The following PGAM1 variants were observed in gnomAD, a reference collection of about 807,000 sequenced individuals.
PGAM1 encodes BPG-dependent PGAM 1.
PGAM1 carries 21 observed loss-of-function variants against 23.5 expected under a neutral mutation model. That is an observed-to-expected ratio of 0.89 (90% confidence interval 0.63 to 1.29). The LOEUF is 1.29. PGAM1 is among the 50% of genes most tolerant of loss of function. The pLI is 0.00. For synonymous variants in PGAM1, 109 were observed against 128.6 expected, an observed-to-expected ratio of 0.85 and a Z score of 1.03; for missense variants, 232 against 336.3, an observed-to-expected ratio of 0.69 and a Z score of 2.42.
At chr10:97,426,526 C>A in intron 1 of PGAM1, 80 bp downstream of exon 1, 1 of 1,457,506 alleles carries the variant, frequency 6.9e-7, no homozygotes, top group South Asian at 1.4e-5. Flanking sequence ...TGCGCCCTCT[C>A]GGAGAGGGCC....
exon 4 of PGAM1, chr10:97,433,428 AGTGATGTGCAATAGCTTCTTGTGTGAT>A (rs1845493991): frequency 6.6e-6 from 1 of 152,636 alleles, no homozygotes; most frequent in Admixed American, 6.5e-5. Flanking sequence ...ATAATAAAGG[AGTGATGTGCAATAGCTTCTTGTGTGAT>A]GTGGAAGACC....
At chr10:97,430,171 C>T (rs1276276697) in intron 1 of PGAM1, among the ~76,000 whole-genome samples, 2 of 152,134 alleles carry the variant, frequency 1.3e-5, no homozygotes, top group Non-Finnish European at 2.9e-5. Context: ...TCTGGAGTCC[C>T]ACAGCATGGG....
chr10:97,427,467 C>G, intron 1 of PGAM1: 1 of 1,029,158 alleles, frequency 9.7e-7, no homozygotes, highest in Non-Finnish European at 1.2e-6. Flanking sequence ...TCCAAGGCCC[C>G]TTTATAGTTG....
intron 2 of PGAM1, 36 bp downstream of exon 2, chr10:97,430,689 G>T: frequency 6.2e-7 from 1 of 1,602,134 alleles, no homozygotes; most frequent in Non-Finnish European, 8.5e-7. Flanking sequence ...CTCCGCCCAG[G>T]ATCAGGGGCT....
Position 97,430,938 on chromosome 10 carries a change from G to A in PGAM1, c.415-17G>A. On this transcript the variant is annotated splice_polypyrimidine_tract_variant and intron_variant, in intron 2 of 3. Transcript: ENST00000334828. ...TAACTCTTAATAAGTGGTGAACTTG[G>A]ATTCTTTATTGCTTAGGATCGCAGG... 2 of 1,613,886 alleles carry A rather than the reference G, an allele frequency of 1.2e-6. No individual in the cohort carries two copies. Among genetic ancestry groups the A allele is most frequent in the Non-Finnish European group, 8.5e-7 (1 of 1,179,830 alleles).
intron 1 of PGAM1, 30 bp downstream of exon 1, chr10:97,426,476 G>C (rs1845411294): frequency 6.5e-7 from 1 of 1,547,620 alleles, no homozygotes; most frequent in African/African-American, 1.4e-5. Flanking sequence ...GGGCTGCGAA[G>C]GGCCGGGTGT....
chr10:97,429,833 TA>T (rs2058403926), intron 1 of PGAM1, among the ~76,000 whole-genome samples: 1 of 152,096 alleles, frequency 6.6e-6, no homozygotes, highest in Admixed American at 6.6e-5. Flanking sequence ...AAATATCTTT[TA>T]TAAGTGACAA....
chr10:97,427,732 A>G lies in PGAM1; in HGVS notation c.139+1286A>G. The G allele has an allele frequency of 2.4e-6, 3 of 1,262,274 alleles. No homozygotes were observed. The Admixed American group carries it at 7.5e-5, about 31-fold the overall frequency. The allele number at this position is 1,262,274 out of a possible 1,614,324, so 78.2% of individuals were successfully genotyped here. A position where few individuals can be genotyped will look rare whatever the true frequency, so the allele number is the denominator to read the frequency against. Reference sequence around the variant, plus strand: ...ATTCCCTGCTGCCGGCACGGCCAAGAATCCCTGGACTGAAGAGGTGCTTCC... The same window carrying G: ...ATTCCCTGCTGCCGGCACGGCCAAGGATCCCTGGACTGAAGAGGTGCTTCC... On this transcript the variant is annotated intron_variant, in intron 1 of 3. Transcript: ENST00000334828.
chr10:97,429,050 G>A (rs1427152007), intron 1 of PGAM1, among the ~76,000 whole-genome samples: 1 of 151,488 alleles, frequency 6.6e-6, no homozygotes, highest in Admixed American at 6.6e-5. Flanking sequence ...ATGGTGGGAG[G>A]GTGAATAATC....
chr10:97,429,598 C>T (rs1845446866), intron 1 of PGAM1, among the ~76,000 whole-genome samples: 1 of 152,102 alleles, frequency 6.6e-6, no homozygotes, highest in Non-Finnish European at 1.5e-5. Context: ...TAGGCTGGAA[C>T]TTTGTGACTA....
chr10:97,431,287 A>G, intron 3 of PGAM1, 152 bp downstream of exon 3: 3 of 944,108 alleles, frequency 3.2e-6, no homozygotes, highest in Non-Finnish European at 5.0e-6. Flanking sequence ...AAACACCCTC[A>G]ACCCTTGTTT....
At chr10:97,429,180 T>A (rs1845442225) in intron 1 of PGAM1, among the ~76,000 whole-genome samples, 1 of 140,790 alleles carries the variant, frequency 7.1e-6, no homozygotes, top group Non-Finnish European at 1.5e-5. Context: ...CTCAGCTCAC[T>A]GCAAGCTCCG....
intron 3 of PGAM1, among the ~76,000 whole-genome samples, 155 bp from the exon 4 acceptor site, chr10:97,432,200 G>T (rs1462388797): frequency 1.3e-5 from 2 of 152,174 alleles, no homozygotes; most frequent in Non-Finnish European, 2.9e-5. Flanking sequence ...AGTATGGTGG[G>T]GGCCATTCCC....
rs138824434 is a variant in PGAM1, at chr10:97,427,116, C to T, written c.139+670C>T. Reference sequence around the variant, plus strand: ...TGGCGGCCAGGTCTTTTTCAGGTTCCCTTAGCGCCAGAAGCGGTTGGTACA... The same window carrying T: ...TGGCGGCCAGGTCTTTTTCAGGTTCTCTTAGCGCCAGAAGCGGTTGGTACA... On this transcript the variant is annotated intron_variant, in intron 1 of 3. Transcript: ENST00000334828. 4.9e-3 allele frequency: 838 copies of T among 171,088 alleles called. 8 individuals carry two copies. Among genetic ancestry groups the T allele is most frequent in the African/African-American group, 0.019 (791 of 41,900 alleles). The allele number at this position is 171,088 out of a possible 1,614,324, so 10.6% of individuals were successfully genotyped here. A position where few individuals can be genotyped will look rare whatever the true frequency, so the allele number is the denominator to read the frequency against.
chr10:97,430,850 T>G (rs1845462749), intron 2 of PGAM1, 105 bp from the exon 3 acceptor site: 2 of 1,535,388 alleles, frequency 1.3e-6, no homozygotes, highest in Admixed American at 1.7e-5. Context: ...TAGTCAGATT[T>G]TATAAAACCC....
rs368439473 is a variant in PGAM1, at chr10:97,430,656, A to G, written c.414+3A>G. 3.1e-6 allele frequency: 5 copies of G among 1,602,940 alleles called. No individual in the cohort carries two copies. Among genetic ancestry groups the G allele is most frequent in the Non-Finnish European group, 4.2e-6 (5 of 1,179,984 alleles). On this transcript the variant is annotated splice_donor_region_variant and intron_variant, in intron 2 of 3. Coordinates refer to ENST00000334828, the MANE Select transcript of PGAM1 (RefSeq NM_002629.4). The stretch of plus-strand genomic sequence containing the variant: ...CTTTCTACAGCAACATCAGTAAGGT[A>G]TGGACAAACAGAGGTTTGGTCACTC...
rs1447100908 is a variant in PGAM1 at position 97,430,619 on chromosome 10, A to C, written c.380A>C (p.Glu127Ala). Residue 127 changes from glutamate to alanine, a missense_variant, in exon 2 of 4, where the codon GAG becomes GCG. Glu to Ala is a moderately radical substitution (Grantham distance 107, BLOSUM62 -1). This residue lies in a region of PGAM1 where 191 missense variants were observed against 241.7 expected (regional missense o/e 0.79). Transcript: ENST00000334828. ...RSYDVPPPPMEPDHPFYSNIS... is the reference protein window; with the variant it reads ...RSYDVPPPPMAPDHPFYSNIS... ...TATGATGTCCCACCACCTCCGATGG[A>C]GCCCGACCATCCTTTCTACAGCAAC... is the stretch of plus-strand genomic sequence containing the variant. 2 of 1,602,810 alleles carry C rather than the reference A, an allele frequency of 1.2e-6. No individual in the cohort carries two copies. The highest frequency in any genetic ancestry group is 1.7e-6 in the Non-Finnish European group (2 of 1,179,978).
chr10:97,426,588 G>A, intron 1 of PGAM1, 142 bp downstream of exon 1: 1 of 1,120,010 alleles, frequency 8.9e-7, no homozygotes, highest in South Asian at 1.7e-5. Flanking sequence ...TTGAGAAGAT[G>A]AGTGCAGAGG....
chr10:97,429,094 T>G (rs968816585), intron 1 of PGAM1, among the ~76,000 whole-genome samples: 2 of 115,220 alleles, frequency 1.7e-5, no homozygotes, highest in Admixed American at 8.4e-5. Flanking sequence ...ACTGATTCCT[T>G]TTTTTTTTTT....
Sources: allele counts gnomAD v4.1 joint callset (sites outside exome capture counted in the v4.1 genomes callset), GRCh38; gene constraint gnomAD v4.1.1; regional missense constraint gnomAD v4.1.1; transcripts MANE v1.5; gene names NCBI Gene and HGNC (gene_info 2026-07-23, HGNC 2026-07-21).